The following CXCR3 variants were observed in gnomAD, a reference collection of about 807,000 sequenced individuals.
CXCR3 encodes C-X-C chemokine receptor type 3.
For synonymous variants in CXCR3, 136 were observed against 148.0 expected (o/e 0.92, Z 0.59); for missense variants, 239 against 310.2 (o/e 0.77, Z 1.72).
Position 71,617,339 on chromosome X carries a change from G to T in CXCR3, c.133C>A (p.Gln45Lys). The T allele has an allele frequency of 8.3e-7, 1 of 1,211,215 alleles. No individual in the cohort carries two copies. The highest frequency in any genetic ancestry group is 2.3e-4 in the Middle Eastern group (1 of 4,354). Residue 45 changes from glutamine to lysine, a missense_variant, in exon 2 of 2, where the codon CAG becomes AAG. Transcript: ENST00000373693. ...CGGTCGAAGTTCAGGCTGAAGTCCTGTGGGCAGGGCGGGGAGGTACAGCAC... is the reference window on the plus strand; with the variant it reads ...CGGTCGAAGTTCAGGCTGAAGTCCTTTGGGCAGGGCGGGGAGGTACAGCAC... ...DSCCTSPPCP[Q>K]DFSLNFDRAF...
At chrX:71,618,064 A>C (rs1481906561) in intron 1 of CXCR3, among the ~76,000 whole-genome samples, 69 of 104,963 alleles carry the variant, frequency 6.6e-4, no homozygotes, top group Non-Finnish European at 3.7e-4. Context: ...ACTTAGCTTG[A>C]GAAGGAATCT....
At position 71,616,438 on chromosome X, in the gene CXCR3, T is replaced by C. The variant is rs1409717750; in HGVS notation, c.1034A>G (p.Gln345Arg). 1 of 1,210,604 alleles carries C rather than the reference T, an allele frequency of 8.3e-7. No homozygotes were observed. Among genetic ancestry groups the C allele is most frequent in the Admixed American group, 2.2e-5 (1 of 46,012 alleles). The change falls in exon 2 of 2, where the codon CAG (glutamine) becomes CGG (arginine). Residue 345 changes from glutamine (Q) to arginine (R), a missense_variant. Transcript: ENST00000373693. Reference protein sequence around the residue: ...RLGCPNQRGLQRQPSSSRRDS... With the variant: ...RLGCPNQRGLRRQPSSSRRDS... ...CCGGCGGGAAGACGATGGCTGCCTCTGGAGCCCTCTCTGGTTGGGGCAGCC... is the reference window on the plus strand; with the variant it reads ...CCGGCGGGAAGACGATGGCTGCCTCCGGAGCCCTCTCTGGTTGGGGCAGCC...
Position 71,616,949 on chromosome X carries a change from C to G in CXCR3, c.523G>C (p.Val175Leu). Residue 175 changes from valine to leucine, a missense_variant, in exon 2 of 2, where the codon GTC becomes CTC. Val to Leu is a conservative substitution (Grantham distance 32, BLOSUM62 1). Transcript: ENST00000373693. ...PARVTLTCLA[V>L]WGLCLLFALP... Reference sequence around the variant, plus strand: ...GCGAAAAGCAGGCAGAGCCCCCAGACAGCCAGGCAGGTGAGGGTCACGCGG... The same window carrying G: ...GCGAAAAGCAGGCAGAGCCCCCAGAGAGCCAGGCAGGTGAGGGTCACGCGG... 8.3e-7 allele frequency: 1 copy of G among 1,208,545 alleles called. No individual in the cohort carries two copies.
rs1482443897 is a variant in CXCR3 at position 71,617,019 on chromosome X, C to T, written c.453G>A (p.Leu151=). Residue 151 remains leucine (L), a synonymous_variant, in exon 2 of 2, where the codon CTG becomes CTA. Transcript: ENST00000373693. ...AGAGCTGGGTGGCATGAACTATGTT[C>T]AGGTAGCGGTCAAAGCTGATGCAGG... The part of the protein sequence containing the change: ...LLACISFDRY[L]NIVHATQLYR... 1 of 1,209,399 alleles carries T rather than the reference C, an allele frequency of 8.3e-7. No homozygotes were observed. Among genetic ancestry groups the T allele is most frequent in the Admixed American group, 2.2e-5 (1 of 45,909 alleles).
At position 71,618,494 on chromosome X, in the gene CXCR3, C is replaced by T. The variant is rs1389655528; in HGVS notation, c.-45G>A. Reference sequence around the variant, plus strand: ...CTGCTGGGTGGTGTGCTGCCTGCCCCTCTGCTTTGGTGCTTGTGGTTGGAA... The same window carrying T: ...CTGCTGGGTGGTGTGCTGCCTGCCCTTCTGCTTTGGTGCTTGTGGTTGGAA... On this transcript the variant is annotated 5_prime_UTR_variant, in exon 1 of 2. Coordinates refer to ENST00000373693, the MANE Select transcript of CXCR3 (RefSeq NM_001504.2). 1 of 1,010,069 alleles carries T rather than the reference C, an allele frequency of 9.9e-7. No homozygotes were observed. The highest frequency in any genetic ancestry group is 2.2e-5 in the Admixed American group (1 of 45,534). The allele number at this position is 1,010,069 out of a possible 1,213,427, so 83.2% of individuals were successfully genotyped here.
Position 71,617,151 on chromosome X carries a change from C to A in CXCR3, c.321G>T (p.Pro107=), listed in dbSNP as rs759889567. The change falls in exon 2 of 2, where the codon CCG becomes CCT. Residue 107 remains proline, a synonymous_variant. Transcript: ENST00000373693. ...GGACGGCAGCGTCCACTGCCCAGAG[C>A]GGCAGTGTCAGCACCAGCAGCGTGT... The part of the protein sequence containing the change: ...VADTLLVLTL[P]LWAVDAAVQW... The A allele has an allele frequency of 8.3e-7, 1 of 1,207,954 alleles. No homozygotes were observed. The highest frequency in any genetic ancestry group is 1.1e-6 in the Non-Finnish European group (1 of 893,314).
Position 71,616,823 on chromosome X carries a change from C to G in CXCR3, c.649G>C (p.Val217Leu), listed in dbSNP as rs1285731371. The change falls in exon 2 of 2, where the codon GTG becomes CTG. Residue 217 changes from valine (V) to leucine (L), a missense_variant. Physicochemically the swap from Val to Leu is conservative, Grantham distance 32. Coordinates refer to ENST00000373693, the MANE Select transcript of CXCR3 (RefSeq NM_001504.2). ...AGAAAGCCAGCCACCAGCTGCAGCA[C>G]CCGCAGAGCCGTGCGGCCCACCTGT... ...FPQVGRTALRVLQLVAGFLLP... is the reference protein window; with the variant it reads ...FPQVGRTALRLLQLVAGFLLP... 8.3e-7 allele frequency: 1 copy of G among 1,207,759 alleles called. No homozygotes were observed. Among genetic ancestry groups the G allele is most frequent in the Non-Finnish European group, 1.1e-6 (1 of 894,212 alleles).
chrX:71,618,306 ACCCATGCGGCCTCCAGCTACTCACCCAAC>A, intron 1 of CXCR3, 103 bp downstream of exon 1: 1 of 1,081,287 alleles, frequency 9.2e-7, no homozygotes, highest in Non-Finnish European at 1.3e-6. Flanking sequence ...TTCTGCCACA[ACCCATGCGGCCTCCAGCTACTCACCCAAC>A]CCTGTGGTGA....
chrX:71,616,361 G>T lies in CXCR3; in HGVS notation c.*4C>A. 8.5e-7 allele frequency: 1 copy of T among 1,174,407 alleles called. No individual in the cohort carries two copies. Among genetic ancestry groups the T allele is most frequent in the Non-Finnish European group, 1.1e-6 (1 of 874,584 alleles). On this transcript the variant is annotated 3_prime_UTR_variant, in exon 2 of 2. Transcript: ENST00000373693. ...TGGGCGAAAGGGGAGCCCGGATTCC[G>T]GCCTCACAAGCCCGAGTAGGAGGCC...
intron 1 of CXCR3, chrX:71,617,694 C>T (rs902068796): frequency 3.5e-5 from 38 of 1,090,682 alleles, no homozygotes; most frequent in Non-Finnish European, 4.5e-5. Context: ...TCCCATCGGC[C>T]CAGGGACCCC....
Position 71,617,475 on chromosome X carries a change from C to A in CXCR3, c.13-16G>T, listed in dbSNP as rs764708198. 39 of 1,207,858 alleles carry A rather than the reference C, an allele frequency of 3.2e-5. No individual in the cohort carries two copies. The highest frequency in any genetic ancestry group is 4.4e-5 in the Admixed American group (2 of 45,590). On this transcript the variant is annotated splice_polypyrimidine_tract_variant and intron_variant, in intron 1 of 1. Coordinates refer to ENST00000373693, the MANE Select transcript of CXCR3 (RefSeq NM_001504.2). ...GGTCACTCACCTGTGAGGGCGGGAA[C>A]GGGGAGGAAGGGGCTGTGTAAAGGC...
Position 71,617,449 on chromosome X carries a change from T to C in CXCR3, c.23A>G (p.His8Arg). MVLEVSD[H>R]QVLNDAEVAA... Reference sequence around the variant, plus strand: ...AACCTCGGCGTCATTTAGCACTTGGTGGTCACTCACCTGTGAGGGCGGGAA... The same window carrying C: ...AACCTCGGCGTCATTTAGCACTTGGCGGTCACTCACCTGTGAGGGCGGGAA... The change falls in exon 2 of 2, where the codon CAC becomes CGC. Residue 8 changes from histidine to arginine, a missense_variant. By Grantham distance (29) the His-to-Arg change is conservative. Transcript: ENST00000373693. 1.7e-6 allele frequency: 2 copies of C among 1,211,420 alleles called. No individual in the cohort carries two copies. The highest frequency in any genetic ancestry group is 1.1e-6 in the Non-Finnish European group (1 of 895,402).
In CXCR3 at chrX:71,617,431, G is replaced by A; in HGVS notation, c.41C>T (p.Ala14Val). ...EVSDHQVLNDAEVAALLENFS... is the reference protein window; with the variant it reads ...EVSDHQVLNDVEVAALLENFS... ...GTTCTCCAGGAGGGCGGCAACCTCG[G>A]CGTCATTTAGCACTTGGTGGTCACT... The change falls in exon 2 of 2, where the codon GCC becomes GTC. Residue 14 changes from alanine (A) to valine (V), a missense_variant. Ala to Val is a moderately conservative substitution (Grantham distance 64). Transcript: ENST00000373693. The A allele has an allele frequency of 8.3e-7, 1 of 1,211,693 alleles. No homozygotes were observed. The highest frequency in any genetic ancestry group is 3.0e-5 in the East Asian group (1 of 33,834).
Position 71,616,936 on chromosome X carries a change from C to A in CXCR3, c.536G>T (p.Cys179Phe). 1 of 1,207,471 alleles carries A rather than the reference C, an allele frequency of 8.3e-7. No individual in the cohort carries two copies. Among genetic ancestry groups the A allele is most frequent in the Non-Finnish European group, 1.1e-6 (1 of 893,174 alleles). The change falls in exon 2 of 2, where the codon TGC becomes TTC. Residue 179 changes from cysteine (C) to phenylalanine (F), a missense_variant. By Grantham distance (205) the Cys-to-Phe change is radical. Coordinates refer to ENST00000373693, the MANE Select transcript of CXCR3 (RefSeq NM_001504.2). ...TLTCLAVWGL[C>F]LLFALPDFIF... The stretch of plus-strand genomic sequence containing the variant: ...GAAGTCTGGGAGGGCGAAAAGCAGG[C>A]AGAGCCCCCAGACAGCCAGGCAGGT...
chrX:71,618,313 C>A, intron 1 of CXCR3, 125 bp downstream of exon 1: 8 of 1,103,670 alleles, frequency 7.2e-6, no homozygotes, highest in Non-Finnish European at 9.9e-6. Flanking sequence ...ACAACCCATG[C>A]GGCCTCCAGC....
chrX:71,617,556 A>C, intron 1 of CXCR3, 97 bp from the exon 2 acceptor site: 1 of 1,152,162 alleles, frequency 8.7e-7, no homozygotes. Context: ...TACTCTGAGC[A>C]GCTCCTCCTA....
Position 71,616,620 on chromosome X carries a change from G to A in CXCR3, c.852C>T (p.Gly284=), listed in dbSNP as rs1330216313. Residue 284 remains glycine (G), a synonymous_variant, in exon 2 of 2, where the codon GGC becomes GGT. Transcript: ENST00000373693. ...VVLVDILMDL[G]ALARNCGRES... ...CTCGGCCACAGTTGCGGGCCAAAGC[G>A]CCCAGGTCCATGAGGATGTCCACCA... is the stretch of plus-strand genomic sequence containing the variant. 4.1e-6 allele frequency: 5 copies of A among 1,212,106 alleles called. No homozygotes were observed. In the South Asian group the frequency reaches 5.3e-5, roughly 13 times the overall value.
rs2040854010 is a variant in CXCR3, at chrX:71,616,941, C to A, written c.531G>T (p.Gly177=). The change falls in exon 2 of 2, where the codon GGG becomes GGT. Residue 177 remains glycine, a synonymous_variant. Transcript: ENST00000373693. ...CTGGGAGGGCGAAAAGCAGGCAGAGCCCCCAGACAGCCAGGCAGGTGAGGG... is the reference window on the plus strand; with the variant it reads ...CTGGGAGGGCGAAAAGCAGGCAGAGACCCCAGACAGCCAGGCAGGTGAGGG... The part of the protein sequence containing the change: ...RVTLTCLAVW[G]LCLLFALPDF... The A allele has an allele frequency of 8.3e-7, 1 of 1,207,937 alleles. No homozygotes were observed. Among genetic ancestry groups the A allele is most frequent in the Non-Finnish European group, 1.1e-6 (1 of 893,450 alleles).
Position 71,616,771 on chromosome X carries a change from C to T in CXCR3, c.701G>A (p.Cys234Tyr). Residue 234 changes from cysteine (C) to tyrosine (Y), a missense_variant, in exon 2 of 2, where the codon TGC becomes TAC. By Grantham distance (194) the Cys-to-Tyr change is radical. Coordinates refer to ENST00000373693, the MANE Select transcript of CXCR3 (RefSeq NM_001504.2). Reference sequence around the variant, plus strand: ...CAGCACGGCCAGGATGTGGGCATAGCAGTAGGCCATGACCAGCAGGGGCAG... The same window carrying T: ...CAGCACGGCCAGGATGTGGGCATAGTAGTAGGCCATGACCAGCAGGGGCAG... Reference protein sequence around the residue: ...FLLPLLVMAYCYAHILAVLLV... With the variant: ...FLLPLLVMAYYYAHILAVLLV... The T allele has an allele frequency of 8.3e-7, 1 of 1,206,698 alleles. No homozygotes were observed.
Sources: allele counts gnomAD v4.1 joint callset (sites outside exome capture counted in the v4.1 genomes callset), GRCh38; gene constraint gnomAD v4.1.1; transcripts MANE v1.5; gene names NCBI Gene and HGNC (gene_info 2026-07-23, HGNC 2026-07-21).